The following RMI2 variants were observed in gnomAD, a reference collection of about 807,000 sequenced individuals.
RMI2 encodes the protein recQ-mediated genome instability protein 2.
RMI2 carries 11 observed loss-of-function variants against 8.4 expected under a neutral mutation model. The observed-to-expected ratio is 1.32, with a 90% confidence interval of 0.83 to 2.18. The LOEUF (loss-of-function observed/expected upper bound fraction) is 2.18. RMI2 is among the 30% of genes most tolerant of loss of function. The pLI, the probability that RMI2 is intolerant of heterozygous loss-of-function variation, is 0.00. For synonymous variants in RMI2, 105 were observed against 93.8 expected, an observed-to-expected ratio of 1.12 and a Z score of -0.69; for missense variants, 253 against 207.5, an observed-to-expected ratio of 1.22 and a Z score of -1.35.
Position 11,350,870 on chromosome 16 carries a change from A to G in RMI2, c.*80A>G. On this transcript the variant is annotated 3_prime_UTR_variant, in exon 2 of 2. Transcript: ENST00000312499. ...TTATAATGATGTGGATTTCATGGAC[A>G]CTTTTCAATGCGTATTTTTCAAATG... The G allele has an allele frequency of 8.4e-7, 1 of 1,185,696 alleles. No homozygotes were observed. The highest frequency in any genetic ancestry group is 1.2e-6 in the Non-Finnish European group (1 of 845,544). The allele number at this position is 1,185,696 out of a possible 1,614,324, so 73.4% of individuals were successfully genotyped here.
At position 11,345,698 on chromosome 16, in the gene RMI2, A is replaced by G. The variant is rs2141209828; in HGVS notation, c.227A>G (p.Asp76Gly). 7.9e-7 allele frequency: 1 copy of G among 1,264,994 alleles called. No homozygotes were observed. The highest frequency in any genetic ancestry group is 3.7e-5 in the South Asian group (1 of 27,396). 78.4% of individuals were successfully genotyped at this position (1,264,994 alleles called of 1,614,324 possible). The change falls in exon 1 of 2, where the codon GAC (aspartate) becomes GGC (glycine). Residue 76 changes from aspartate (D) to glycine (G), a missense_variant. Transcript: ENST00000312499. ...GACCGCGGCGAGGCTCGGCTGAGGG[A>G]CCCGAGCGGGGACTTCTCGGTCCGC... Reference protein sequence around the residue: ...MADRGEARLRDPSGDFSVRGL... With the variant: ...MADRGEARLRGPSGDFSVRGL...
rs1451379547 is a variant in RMI2 at position 11,349,139 on chromosome 16, T to G, written c.296-1503T>G. The G allele has an allele frequency of 6.6e-6, 1 of 152,306 alleles. No individual in the cohort carries two copies. Among genetic ancestry groups the G allele is most frequent in the Non-Finnish European group, 1.5e-5 (1 of 68,090 alleles). 9.4% of individuals were successfully genotyped at this position (152,306 alleles called of 1,614,324 possible). On this transcript the variant is annotated intron_variant, in intron 1 of 1. Coordinates refer to ENST00000312499, the MANE Select transcript of RMI2 (RefSeq NM_152308.3). The surrounding 1 kb of genome is among the most constrained non-coding windows in gnomAD (Gnocchi z 4.2). Reference sequence around the variant, plus strand: ...TCCTGCCCTCAAGCTGCTCTCTGTCTGCAGGAGAATCAGAGAAACCATGCT... The same window carrying G: ...TCCTGCCCTCAAGCTGCTCTCTGTCGGCAGGAGAATCAGAGAAACCATGCT...
At chr16:11,347,169 G>A (rs943500061) in intron 1 of RMI2, among the ~76,000 whole-genome samples, 19 of 152,216 alleles carry the variant, frequency 1.2e-4, no homozygotes, top group African/African-American at 4.1e-4. Flanking sequence ...AGCAAGTGTC[G>A]CAGAGGATCG....
intron 1 of RMI2, chr16:11,348,187 T>A (rs1366008349): frequency 2.6e-5 from 4 of 152,280 alleles, no homozygotes; most frequent in Admixed American, 2.6e-4. Flanking sequence ...ATTTACAGAA[T>A]GTCTCGGGCC....
rs774922318 is a variant in RMI2, at chr16:11,350,676, C to T, written c.330C>T (p.Ala110=). 1 of 1,610,616 alleles carries T rather than the reference C, an allele frequency of 6.2e-7. No homozygotes were observed. The highest frequency in any genetic ancestry group is 8.5e-7 in the Non-Finnish European group (1 of 1,178,754). The change falls in exon 2 of 2, where the codon GCC becomes GCT. Residue 110 remains alanine, a synonymous_variant. Coordinates refer to ENST00000312499, the MANE Select transcript of RMI2 (RefSeq NM_152308.3). ...KYVMVMGVVQ[A]CSPEPCLQAV... ...TGATGGTGATGGGAGTGGTTCAGGCCTGCAGCCCTGAGCCCTGCCTGCAGG... is the reference window on the plus strand; with the variant it reads ...TGATGGTGATGGGAGTGGTTCAGGCTTGCAGCCCTGAGCCCTGCCTGCAGG...
intron 1 of RMI2, among the ~76,000 whole-genome samples, chr16:11,347,424 C>T (rs530401321): frequency 6.6e-6 from 1 of 152,202 alleles, no homozygotes; most frequent in South Asian, 2.1e-4. Flanking sequence ...CTCGGAAAGG[C>T]TTAGGTCGAA....
Position 11,345,514 on chromosome 16 carries a change from G to T in RMI2, c.43G>T (p.Val15Leu), listed in dbSNP as rs781647680. The T allele has an allele frequency of 7.7e-7, 1 of 1,302,626 alleles. No individual in the cohort carries two copies. Among genetic ancestry groups the T allele is most frequent in the South Asian group, 2.3e-5 (1 of 42,766 alleles). The allele number at this position is 1,302,626 out of a possible 1,614,324, so 80.7% of individuals were successfully genotyped here. A position where few individuals can be genotyped will look rare whatever the true frequency, so the allele number is the denominator to read the frequency against. ...CTCGTTCTCAGGCGGCCCCGCGGGG[G>T]TGCGGCTTCCGAGGTCGCCGCCACT... is the stretch of plus-strand genomic sequence containing the variant. The part of the protein sequence containing the change: ...ADSFSGGPAG[V>L]RLPRSPPLKV... The change falls in exon 1 of 2, where the codon GTG (valine) becomes TTG (leucine). Residue 15 changes from valine (V) to leucine (L), a missense_variant. Transcript: ENST00000312499.
chr16:11,346,898 C>T (rs902265825), intron 1 of RMI2, among the ~76,000 whole-genome samples: 9 of 152,350 alleles, frequency 5.9e-5, no homozygotes, highest in African/African-American at 2.2e-4. Flanking sequence ...GTTTGGGGGC[C>T]ATACTTTGAG....
At chr16:11,347,833 T>A (rs1475711595) in intron 1 of RMI2, among the ~76,000 whole-genome samples, 1 of 152,180 alleles carries the variant, frequency 6.6e-6, no homozygotes, top group Non-Finnish European at 1.5e-5. Flanking sequence ...CAGGCTGGAG[T>A]ACAGTGACGC....
At position 11,349,945 on chromosome 16, in the gene RMI2, C is replaced by T. The variant is rs904595721; in HGVS notation, c.296-697C>T. On this transcript the variant is annotated intron_variant, in intron 1 of 1. Transcript: ENST00000312499. The surrounding 1 kb of genome is among the most constrained non-coding windows in gnomAD (Gnocchi z 4.2). ...TAGATCATGCCGGTGGCAGCCGGCC[C>T]TTGTGTGGATTTGCTTGTATGTGCT... Among the ~76,000 whole-genome samples, 1 of 152,178 alleles carries T rather than the reference C, an allele frequency of 6.6e-6. No individual in the cohort carries two copies. Among genetic ancestry groups the T allele is most frequent in the Non-Finnish European group, 1.5e-5 (1 of 68,042 alleles).
chr16:11,350,483 A>G (rs1176346495), intron 1 of RMI2, among the ~76,000 whole-genome samples, 159 bp from the exon 2 acceptor site: 1 of 152,200 alleles, frequency 6.6e-6, no homozygotes, highest in Non-Finnish European at 1.5e-5. Flanking sequence ...CCAGCTACTC[A>G]GAAGGCTGAG....
At position 11,345,568 on chromosome 16, in the gene RMI2, G is replaced by T; in HGVS notation, c.97G>T (p.Asp33Tyr). 1 of 1,228,158 alleles carries T rather than the reference G, an allele frequency of 8.1e-7. No individual in the cohort carries two copies. Among genetic ancestry groups the T allele is most frequent in the Non-Finnish European group, 1.0e-6 (1 of 986,296 alleles). 76.1% of individuals were successfully genotyped at this position (1,228,158 alleles called of 1,614,324 possible). Residue 33 changes from aspartate (D) to tyrosine (Y), a missense_variant, in exon 1 of 2, where the codon GAC (aspartate) becomes TAC (tyrosine). Transcript: ENST00000312499. ...GGTGCTGGCGGAGCAGCTGCGGCGC[G>T]ACGCGGAGGGCGGCCCGGGCGCGTG... ...LKVLAEQLRR[D>Y]AEGGPGAWRL... is the part of the protein sequence containing the mutation.
rs962482811 is a variant in RMI2, at chr16:11,349,885, A to T, written c.296-757A>T. ...GCTTTCAAGGAGAGTCACTTCCCCA[A>T]GGGAATGGGAAGAGAGTCACAGTTA... On this transcript the variant is annotated intron_variant, in intron 1 of 1. Coordinates refer to ENST00000312499, the MANE Select transcript of RMI2 (RefSeq NM_152308.3). The surrounding 1 kb of genome is among the most constrained non-coding windows in gnomAD (Gnocchi z 4.2). Among the ~76,000 whole-genome samples the T allele has an allele frequency of 5.3e-5, 8 of 152,354 alleles. No individual in the cohort carries two copies. Among genetic ancestry groups the T allele is most frequent in the Non-Finnish European group, 1.0e-4 (7 of 68,032 alleles).
intron 1 of RMI2, 62 bp downstream of exon 1, chr16:11,345,828 C>G (rs1329936415): frequency 3.4e-6 from 4 of 1,171,646 alleles, no homozygotes; most frequent in Non-Finnish European, 4.3e-6. Flanking sequence ...TTGCCGAGGC[C>G]AGATTCGATC....
chr16:11,346,028 C>T (rs750482464), intron 1 of RMI2, among the ~76,000 whole-genome samples: 1 of 152,212 alleles, frequency 6.6e-6, no homozygotes, highest in Non-Finnish European at 1.5e-5. Flanking sequence ...TGGGAATCTT[C>T]TGGGGAGGGA....
At position 11,351,452 on chromosome 16, in the gene RMI2, C is replaced by T. The variant is rs1239772593; in HGVS notation, c.*662C>T. On this transcript the variant is annotated 3_prime_UTR_variant, in exon 2 of 2. Coordinates refer to ENST00000312499, the MANE Select transcript of RMI2 (RefSeq NM_152308.3). ...CTTCCATTACTCAGAGATGTTGAGA[C>T]GTTTTCAGAATTTCTTGTTGAAATG... 1.3e-5 allele frequency: 3 copies of T among 231,724 alleles called. No individual in the cohort carries two copies. The highest frequency in any genetic ancestry group is 2.6e-5 in the Non-Finnish European group (3 of 117,192). 14.4% of individuals were successfully genotyped at this position (231,724 alleles called of 1,614,324 possible).
chr16:11,350,105 T>C (rs2070944767), intron 1 of RMI2, among the ~76,000 whole-genome samples: 1 of 152,186 alleles, frequency 6.6e-6, no homozygotes, highest in Non-Finnish European at 1.5e-5. Flanking sequence ...AAAGAGGATG[T>C]GTCCTGTGCA....
intron 1 of RMI2, among the ~76,000 whole-genome samples, chr16:11,347,383 A>G (rs1157825706): frequency 6.6e-6 from 1 of 152,190 alleles, no homozygotes; most frequent in African/African-American, 2.4e-5. Context: ...AGAGGCAGAT[A>G]GGGCTGTGGT....
chr16:11,345,476 C>T lies in RMI2; in HGVS notation c.5C>T (p.Ala2Val), dbSNP rs2070846323. Residue 2 changes from alanine (A) to valine (V), a missense_variant, in exon 1 of 2, where the codon GCG (alanine) becomes GTG (valine). By Grantham distance (64) the Ala-to-Val change is moderately conservative (BLOSUM62 0). Coordinates refer to ENST00000312499, the MANE Select transcript of RMI2 (RefSeq NM_152308.3). M[A>V]AAADSFSGGP... ...GGAAGGGTGCGGCGAGGCGGAATGG[C>T]GGCGGCTGCGGACTCGTTCTCAGGC... 3.8e-6 allele frequency: 5 copies of T among 1,306,206 alleles called. No homozygotes were observed. Among genetic ancestry groups the T allele is most frequent in the South Asian group, 4.5e-5 (2 of 44,106 alleles). 80.9% of individuals were successfully genotyped at this position (1,306,206 alleles called of 1,614,324 possible).
Sources: allele counts gnomAD v4.1 joint callset (sites outside exome capture counted in the v4.1 genomes callset), GRCh38; gene constraint gnomAD v4.1.1; non-coding constraint Gnocchi (gnomAD v3.1); transcripts MANE v1.5; gene names NCBI Gene and HGNC (gene_info 2026-07-23, HGNC 2026-07-21).